Variants in GSAP observed in about 807,000 individuals in gnomAD.
GSAP encodes the protein gamma-secretase activating protein, also known as gamma-secretase-activating protein.
A neutral mutation model predicts 131.7 loss-of-function variants in GSAP; 118 were observed. The ratio of observed to expected loss-of-function variants is 0.90; its 90% CI spans 0.77 to 1.04. GSAP has a LOEUF of 1.04. Among genes scored for constraint, GSAP ranks in the 50% least tolerant of loss-of-function variants. The probability of loss-of-function intolerance (pLI) is 0.00; values close to 1 mark genes in which losing one functional copy is unlikely to be tolerated. For synonymous variants in GSAP, 381 were observed against 363.4 expected (o/e 1.05, Z -0.55); for missense variants, 1,019 against 1,013.2 (o/e 1.01, Z -0.08).
chr7:77,391,788 G>T (rs1028330792), intron 5 of GSAP, among the ~76,000 whole-genome samples: 1 of 152,160 alleles, frequency 6.6e-6, no homozygotes, highest in African/African-American at 2.4e-5. Flanking sequence ...TGAGCCATAA[G>T]AATGTCAGTG....
intron 5 of GSAP, among the ~76,000 whole-genome samples, chr7:77,390,946 T>TTAA (rs71531149): frequency 0.019 from 729 of 37,938 alleles, 48 homozygotes; most frequent in African/African-American, 0.067. Context: ...AGACTCCGTC[T>TTAA]AAAAAAAAAA....
At chr7:77,331,173 C>T (rs1304159281) in intron 19 of GSAP, among the ~76,000 whole-genome samples, 3 of 152,008 alleles carry the variant, frequency 2.0e-5, no homozygotes, top group African/African-American at 7.3e-5. Context: ...CAGTGGCGGG[C>T]GCTTGTAGTC....
chr7:77,375,858 A>G (rs1385650561), intron 10 of GSAP, among the ~76,000 whole-genome samples: 1 of 144,322 alleles, frequency 6.9e-6, no homozygotes, highest in East Asian at 2.0e-4. Context: ...AAAAAAAAAA[A>G]CAAACAAAAA....
intron 3 of GSAP, among the ~76,000 whole-genome samples, chr7:77,401,323 A>G (rs1160514077): frequency 2.0e-5 from 3 of 152,276 alleles, no homozygotes; most frequent in African/African-American, 7.2e-5. Flanking sequence ...AACTAAGGAG[A>G]AAGAAAAAAA....
At chr7:77,405,212 C>A (rs562233446) in intron 2 of GSAP, among the ~76,000 whole-genome samples, 2 of 152,210 alleles carry the variant, frequency 1.3e-5, no homozygotes, top group East Asian at 3.9e-4. Flanking sequence ...GCTCAAGGAA[C>A]CTACTTGAGC....
intron 19 of GSAP, among the ~76,000 whole-genome samples, chr7:77,336,278 CCT>C (rs1789961480): frequency 1.3e-5 from 2 of 152,306 alleles, no homozygotes; most frequent in South Asian, 4.1e-4. Flanking sequence ...CTCTTTCCCT[CCT>C]CTCAGTCTTG....
intron 13 of GSAP, among the ~76,000 whole-genome samples, chr7:77,361,880 A>G (rs1794572147): frequency 6.6e-6 from 1 of 152,206 alleles, no homozygotes; most frequent in South Asian, 2.1e-4. Flanking sequence ...GAATAAATGT[A>G]TCTTAGATCT....
chr7:77,343,380 A>G (rs551185877), intron 19 of GSAP, among the ~76,000 whole-genome samples: 1 of 152,312 alleles, frequency 6.6e-6, no homozygotes, highest in East Asian at 1.9e-4. Context: ...CTACGCATCA[A>G]TATTTATACT....
intron 19 of GSAP, among the ~76,000 whole-genome samples, chr7:77,344,018 A>C (rs1360930691): frequency 6.6e-6 from 1 of 151,934 alleles, no homozygotes; most frequent in Non-Finnish European, 1.5e-5. Context: ...AATTAATTTT[A>C]CTCACATGCC....
At chr7:77,336,236 T>G (rs956829652) in intron 19 of GSAP, among the ~76,000 whole-genome samples, 2 of 152,062 alleles carry the variant, frequency 1.3e-5, no homozygotes, top group African/African-American at 4.8e-5. Context: ...CATCTCACAA[T>G]CAGCTTATGC....
chr7:77,373,291 A>AT (rs1187013923), intron 12 of GSAP, among the ~76,000 whole-genome samples: 1 of 152,250 alleles, frequency 6.6e-6, no homozygotes, highest in East Asian at 1.9e-4. Flanking sequence ...AGTTTTACTT[A>AT]TCATATCCCC....
Position 77,330,058 on chromosome 7 carries a change from C to T in GSAP, c.1674+181G>A, listed in dbSNP as rs1447094013. 6 of 575,562 alleles carry T rather than the reference C, an allele frequency of 1.0e-5. No homozygotes were observed. In the African/African-American group the frequency reaches 1.3e-4, roughly 12 times the overall value. 35.7% of individuals were successfully genotyped at this position (575,562 alleles called of 1,614,324 possible). On this transcript the variant is annotated intron_variant, in intron 20 of 30. Coordinates refer to ENST00000257626, the MANE Select transcript of GSAP (RefSeq NM_017439.4). The stretch of plus-strand genomic sequence containing the variant: ...AACTTTCTGCTTTTCAGTTTCCTCC[C>T]TAGGAGAACAGAGATCATAGAAGCA...
chr7:77,325,362 T>C (rs1788182352), intron 23 of GSAP, among the ~76,000 whole-genome samples: 1 of 152,242 alleles, frequency 6.6e-6, no homozygotes, highest in Middle Eastern at 3.4e-3. Context: ...AACTAATAAA[T>C]AGATTATCCC....
At chr7:77,338,207 T>C (rs985379313) in intron 19 of GSAP, among the ~76,000 whole-genome samples, 6 of 152,052 alleles carry the variant, frequency 3.9e-5, no homozygotes, top group Non-Finnish European at 8.8e-5. Context: ...AACCATAAAA[T>C]CAAGGGCAAT....
chr7:77,369,184 T>C (rs887847508), intron 12 of GSAP, among the ~76,000 whole-genome samples: 1 of 152,196 alleles, frequency 6.6e-6, no homozygotes, highest in Non-Finnish European at 1.5e-5. Context: ...CAGTAGGTGG[T>C]GCACAAGAAA....
intron 14 of GSAP, among the ~76,000 whole-genome samples, chr7:77,357,586 C>T (rs954209083): frequency 6.6e-6 from 1 of 152,160 alleles, no homozygotes; most frequent in Non-Finnish European, 1.5e-5. Context: ...GAAGAATTGC[C>T]TTGGGCCACA....
At chr7:77,341,115 A>C (rs1485790544) in intron 19 of GSAP, among the ~76,000 whole-genome samples, 2 of 152,086 alleles carry the variant, frequency 1.3e-5, no homozygotes, top group Non-Finnish European at 2.9e-5. Context: ...ATTTTACAAG[A>C]CCCGGATGAT....
chr7:77,350,414 A>G (rs1232572620), intron 18 of GSAP, among the ~76,000 whole-genome samples: 1 of 150,598 alleles, frequency 6.6e-6, no homozygotes, highest in Non-Finnish European at 1.5e-5. Flanking sequence ...CCTAAAACTT[A>G]AAGTATAATA....
At chr7:77,384,540 C>T (rs1285115295) in intron 6 of GSAP, among the ~76,000 whole-genome samples, 1 of 151,028 alleles carries the variant, frequency 6.6e-6, no homozygotes, top group Non-Finnish European at 1.5e-5. Context: ...TGGAGCTAGA[C>T]TTAGAATGAA....
Sources: allele counts gnomAD v4.1 joint callset (sites outside exome capture counted in the v4.1 genomes callset), GRCh38; gene constraint gnomAD v4.1.1; transcripts MANE v1.5; gene names NCBI Gene and HGNC (gene_info 2026-07-23, HGNC 2026-07-21).